The following HSD17B11 variants were observed in gnomAD, a reference collection of about 807,000 sequenced individuals.
The protein encoded by HSD17B11 is estradiol 17-beta-dehydrogenase 11.
Under a neutral mutation model 27.8 loss-of-function variants are expected in HSD17B11, and 22 were observed. The ratio of observed to expected loss-of-function variants is 0.79; its 90% CI spans 0.56 to 1.13. The LOEUF is 1.13. HSD17B11 is among the 50% of genes most tolerant of loss of function. The pLI is 0.00. For missense variants in HSD17B11, 314 were observed against 351.1 expected, an observed-to-expected ratio of 0.89 and a Z score of 0.84; for synonymous variants, 117 against 132.8, an observed-to-expected ratio of 0.88 and a Z score of 0.82.
chr4:87,344,894 C>T (rs1703560015), intron 5 of HSD17B11, among the ~76,000 whole-genome samples: 1 of 152,108 alleles, frequency 6.6e-6, no homozygotes, highest in Admixed American at 6.6e-5. Context: ...CCTAAATAAG[C>T]AATGAGACAA....
chr4:87,359,253 T>TA lies in HSD17B11; in HGVS notation c.558-1838dup, dbSNP rs201474146. Among the ~76,000 whole-genome samples the TA allele has an allele frequency of 8.6e-3, 1,303 of 152,294 alleles. 8 individuals carry two copies. Among genetic ancestry groups the TA allele is most frequent in the Middle Eastern group, 0.034 (10 of 294 alleles). On this transcript the variant is annotated intron_variant, in intron 4 of 6. Coordinates refer to ENST00000358290, the MANE Select transcript of HSD17B11 (RefSeq NM_016245.5). ...ACAGAAGGCTTAAAAGAAAGATTGT[T>TA]AGATTAAATTATATGAGATTAAAAG... is the stretch of plus-strand genomic sequence containing the variant.
At chr4:87,362,971 C>T (rs990425827) in intron 4 of HSD17B11, among the ~76,000 whole-genome samples, 1 of 152,132 alleles carries the variant, frequency 6.6e-6, no homozygotes, top group African/African-American at 2.4e-5. Flanking sequence ...TGCCCAGAGA[C>T]CACATGTTGA....
intron 4 of HSD17B11, among the ~76,000 whole-genome samples, chr4:87,362,106 C>T (rs1026203552): frequency 5.3e-5 from 8 of 152,218 alleles, no homozygotes; most frequent in African/African-American, 1.7e-4. Flanking sequence ...AGAGGCCCAA[C>T]TTAGGGGAGT....
At chr4:87,387,420 C>A (rs1720349710) in intron 1 of HSD17B11, among the ~76,000 whole-genome samples, 1 of 152,186 alleles carries the variant, frequency 6.6e-6, no homozygotes, top group African/African-American at 2.4e-5. Flanking sequence ...CCCTGCCCTG[C>A]CAGCTAGATC....
intron 5 of HSD17B11, among the ~76,000 whole-genome samples, chr4:87,343,830 G>C (rs971581550): frequency 6.6e-6 from 1 of 152,158 alleles, no homozygotes; most frequent in African/African-American, 2.4e-5. Flanking sequence ...TTACAGGCGT[G>C]AGCCACTGTG....
intron 2 of HSD17B11, among the ~76,000 whole-genome samples, chr4:87,376,941 T>C (rs1735838606): frequency 6.6e-6 from 1 of 150,658 alleles, no homozygotes; most frequent in East Asian, 2.0e-4. Flanking sequence ...ACCAGCCTGA[T>C]TGACATGGTG....
intron 4 of HSD17B11, among the ~76,000 whole-genome samples, chr4:87,362,429 G>C (rs1735534847): frequency 6.6e-6 from 1 of 152,238 alleles, no homozygotes; most frequent in Non-Finnish European, 1.5e-5. Flanking sequence ...AGGACACTGA[G>C]GCAGGAGAAT....
intron 4 of HSD17B11, among the ~76,000 whole-genome samples, chr4:87,370,520 A>G (rs1735687903): frequency 6.6e-6 from 1 of 151,772 alleles, no homozygotes; most frequent in Admixed American, 6.6e-5. Context: ...GGTTCAAGCG[A>G]TTCCCCTGCC....
At chr4:87,375,603 T>G (rs987526162) in intron 2 of HSD17B11, among the ~76,000 whole-genome samples, 2 of 152,120 alleles carry the variant, frequency 1.3e-5, no homozygotes, top group Non-Finnish European at 2.9e-5. Flanking sequence ...TAGCTGTACA[T>G]GGTGGCGGGC....
At chr4:87,376,191 G>C (rs1735820340) in intron 2 of HSD17B11, among the ~76,000 whole-genome samples, 1 of 152,132 alleles carries the variant, frequency 6.6e-6, no homozygotes, top group Admixed American at 6.5e-5. Context: ...GACCTGCTCA[G>C]GTGTCTATGA....
chr4:87,345,615 G>T (rs1003446005), intron 5 of HSD17B11, among the ~76,000 whole-genome samples: 8 of 152,090 alleles, frequency 5.3e-5, no homozygotes, highest in African/African-American at 1.9e-4. Flanking sequence ...AACCAGGAAT[G>T]AAAGCAGGGA....
At chr4:87,378,894 AAATATATATAAAT>A (rs1560769359) in intron 2 of HSD17B11, among the ~76,000 whole-genome samples, 590 of 12,096 alleles carry the variant, frequency 0.049, 56 homozygotes, top group African/African-American at 0.2. Context: ...ATATATATAT[AAATATATATAAAT>A]ATATATATAT....
Position 87,391,140 on chromosome 4 carries a change from T to C in HSD17B11, c.-70A>G. 1.7e-6 allele frequency: 2 copies of C among 1,147,240 alleles called. No homozygotes were observed. Among genetic ancestry groups the C allele is most frequent in the Admixed American group, 2.4e-5 (1 of 41,630 alleles). 71.1% of individuals were successfully genotyped at this position (1,147,240 alleles called of 1,614,324 possible). On this transcript the variant is annotated 5_prime_UTR_variant, in exon 1 of 7. Transcript: ENST00000358290. ...ACCACTCTAAACTGCTTTTAGAGGG[T>C]AGCTCGATCTAACACCAGAAAGAGT...
chr4:87,356,618 G>A (rs76772317), intron 5 of HSD17B11, among the ~76,000 whole-genome samples: 2,195 of 152,120 alleles, frequency 0.014, 47 homozygotes, highest in African/African-American at 0.05. Flanking sequence ...GAAACTTTTC[G>A]ATTTGTATTT....
chr4:87,356,547 T>C (rs925937241), intron 5 of HSD17B11, among the ~76,000 whole-genome samples: 7 of 152,244 alleles, frequency 4.6e-5, no homozygotes, highest in Admixed American at 4.6e-4. Context: ...TCTAGAAGGA[T>C]GTTTATCAAA....
At chr4:87,354,202 G>A (rs1211031641) in intron 5 of HSD17B11, among the ~76,000 whole-genome samples, 1 of 152,136 alleles carries the variant, frequency 6.6e-6, no homozygotes, top group Non-Finnish European at 1.5e-5. Flanking sequence ...CCTGTGGGAT[G>A]ACTTAAATTA....
chr4:87,363,757 G>A (rs560664122), intron 4 of HSD17B11, among the ~76,000 whole-genome samples: 1 of 152,312 alleles, frequency 6.6e-6, no homozygotes, highest in East Asian at 1.9e-4. Context: ...CAGACCTGTA[G>A]CTCAGTAGCT....
At chr4:87,354,182 G>A (rs1012441158) in intron 5 of HSD17B11, among the ~76,000 whole-genome samples, 1 of 152,062 alleles carries the variant, frequency 6.6e-6, no homozygotes, top group Non-Finnish European at 1.5e-5. Flanking sequence ...TTGGCTTTCT[G>A]TTCTGCTTCC....
rs1431172242 is a variant in HSD17B11 at position 87,347,103 on chromosome 4, ATTTTTTTTTTTTCTTTT to A, written c.696-6514_696-6498del. ...TTTAGGGTTGTTTTTAGTATTCTGG[ATTTTTTTTTTTTCTTTT>A]TTTTTTTTTTTTTTTTATTATACTC... On this transcript the variant is annotated intron_variant, in intron 5 of 6. Coordinates refer to ENST00000358290, the MANE Select transcript of HSD17B11 (RefSeq NM_016245.5). Among the ~76,000 whole-genome samples, 13 of 62,590 alleles carry A rather than the reference ATTTTTTTTTTTTCTTTT, an allele frequency of 2.1e-4. 3 individuals carry two copies. The highest frequency in any genetic ancestry group is 2.0e-3 in the South Asian group (4 of 1,954). 41.1% of individuals were successfully genotyped at this position (62,590 alleles called of 152,430 possible). A position where few individuals can be genotyped will look rare whatever the true frequency, so the allele number is the denominator to read the frequency against.
Sources: gnomAD v4.1 joint callset for allele counts (sites outside exome capture counted in the v4.1 genomes callset) on GRCh38, gnomAD v4.1.1 for gene constraint, MANE v1.5 for transcripts, NCBI Gene and HGNC (gene_info 2026-07-23, HGNC 2026-07-21) for gene names.